Variants in IGF1R observed in about 807,000 individuals in gnomAD.
IGF1R encodes insulin-like growth factor 1 receptor.
In IGF1R, 44 loss-of-function variants were observed where a neutral mutation model predicts 144.6. The ratio of observed to expected loss-of-function variants is 0.30; its 90% CI spans 0.24 to 0.39. IGF1R has a LOEUF of 0.39. Ranked by LOEUF, IGF1R falls within the 10% of genes least tolerant of loss-of-function variation. The pLI is 1.00. For missense variants in IGF1R, 1,355 were observed against 1,833.7 expected (o/e 0.74, Z 4.77); for synonymous variants, 795 against 722.8 (o/e 1.10, Z -1.60).
chr15:98,818,985 G>C (rs1042029850), intron 2 of IGF1R, among the ~76,000 whole-genome samples: 1 of 152,280 alleles, frequency 6.6e-6, no homozygotes, highest in Admixed American at 6.5e-5. Flanking sequence ...AGAACAGGGG[G>C]TGGAGGCTTC....
chr15:98,665,106 C>A, intron 1 of IGF1R, among the ~76,000 whole-genome samples: 1 of 152,128 alleles, frequency 6.6e-6, no homozygotes, highest in South Asian at 2.1e-4. Context: ...TACAGGCGTC[C>A]GCTGCCACAC....
At chr15:98,946,048 C>T (rs192044647) in intron 19 of IGF1R, among the ~76,000 whole-genome samples, 311 of 151,838 alleles carry the variant, frequency 2.0e-3, no homozygotes, top group African/African-American at 7.0e-3. Flanking sequence ...ACAGCGTCGT[C>T]GTCGTCCTGG....
At position 98,946,833 on chromosome 15, in the gene IGF1R, G is replaced by A. The variant is rs377489081; in HGVS notation, c.3588-1741G>A. On this transcript the variant is annotated intron_variant, in intron 19 of 20. Coordinates refer to ENST00000650285, the MANE Select transcript of IGF1R (RefSeq NM_000875.5). ...CCGCTGACACAGCCAGGAAGGGCAC[G>A]TGGGGCAAGAGGAGAAGTGGGTCTG... Among the ~76,000 whole-genome samples the A allele has an allele frequency of 4.3e-4, 66 of 152,366 alleles. 1 individual carries two copies. The highest frequency in any genetic ancestry group is 1.5e-3 in the African/African-American group (63 of 41,588).
intron 2 of IGF1R, among the ~76,000 whole-genome samples, chr15:98,815,434 G>C (rs2056675528): frequency 6.6e-6 from 1 of 152,252 alleles, no homozygotes; most frequent in Non-Finnish European, 1.5e-5. Context: ...GGAGAGGCCT[G>C]GCGCATGAAA....
intron 18 of IGF1R, among the ~76,000 whole-genome samples, chr15:98,941,883 TAAG>T (rs1401644168): frequency 1.3e-5 from 2 of 152,120 alleles, no homozygotes; most frequent in South Asian, 2.1e-4. Context: ...AGAGTCCACT[TAAG>T]AAAAGGTTGT....
At position 98,962,421 on chromosome 15, in the gene IGF1R, C is replaced by T. The variant is rs1031686402; in HGVS notation, c.*4979C>T. On this transcript the variant is annotated 3_prime_UTR_variant, in exon 21 of 21. Transcript: ENST00000650285. The stretch of plus-strand genomic sequence containing the variant: ...AGATCCACTCCTTAAGAACCAGTGG[C>T]GAAAGACACTTTCTTTCTTCACTCT... 2.6e-5 allele frequency: 6 copies of T among 233,586 alleles called. No individual in the cohort carries two copies. The highest frequency in any genetic ancestry group is 1.2e-4 in the East Asian group (2 of 16,606). The allele number at this position is 233,586 out of a possible 1,614,324, so 14.5% of individuals were successfully genotyped here.
chr15:98,938,140 C>G (rs1338970242), intron 17 of IGF1R, among the ~76,000 whole-genome samples: 1 of 152,270 alleles, frequency 6.6e-6, no homozygotes, highest in Non-Finnish European at 1.5e-5. Context: ...TGGGCATTGA[C>G]TATGTGCCAC....
intron 2 of IGF1R, among the ~76,000 whole-genome samples, chr15:98,857,367 T>A (rs771803836): frequency 7.2e-5 from 11 of 152,170 alleles, no homozygotes; most frequent in Non-Finnish European, 1.3e-4. Context: ...TACAGGCATG[T>A]GCCACCACAC....
chr15:98,942,727 G>A (rs931721227), intron 18 of IGF1R, among the ~76,000 whole-genome samples, 196 bp from the exon 19 acceptor site: 1 of 152,188 alleles, frequency 6.6e-6, no homozygotes. Context: ...CTTGGTATTT[G>A]CTCATCATGT....
chr15:98,795,340 T>G (rs574965249), intron 2 of IGF1R, among the ~76,000 whole-genome samples: 1 of 152,360 alleles, frequency 6.6e-6, no homozygotes, highest in Admixed American at 6.5e-5. Flanking sequence ...CATGTATCAG[T>G]AAGTTAAAAA....
At chr15:98,939,485 G>A in intron 18 of IGF1R, 125 bp downstream of exon 18, 2 of 898,956 alleles carry the variant, frequency 2.2e-6, no homozygotes, top group South Asian at 2.7e-5. Flanking sequence ...ACTCCTTCTT[G>A]GGAATGATGT....
chr15:98,888,438 A>AGAGAGAGAGAGTGTGTGT (rs1555457179), intron 2 of IGF1R, among the ~76,000 whole-genome samples: 1 of 143,354 alleles, frequency 7.0e-6, no homozygotes. Context: ...AGAGAGAGAG[A>AGAGAGAGAGAGTGTGTGT]GTGTGTGTGT....
rs1040889843 is a variant in IGF1R, at chr15:98,937,597, G to A, written c.3298-1604G>A. On this transcript the variant is annotated intron_variant, in intron 17 of 20. Transcript: ENST00000650285. ...TTCATTATATTCAACCTGCTCCCCC[G>A]ACCAAGTTTCACTTACGTATCTCAC... Among the ~76,000 whole-genome samples the A allele has an allele frequency of 3.3e-5, 5 of 152,234 alleles. No homozygotes were observed. In the South Asian group the frequency reaches 8.3e-4, roughly 25 times the overall value.
At chr15:98,717,502 G>C (rs1472361972) in intron 2 of IGF1R, among the ~76,000 whole-genome samples, 1 of 152,152 alleles carries the variant, frequency 6.6e-6, no homozygotes, top group Non-Finnish European at 1.5e-5. Flanking sequence ...GGGCCATACT[G>C]TAGGTGTGGT....
chr15:98,869,389 T>A (rs1391404257), intron 2 of IGF1R, among the ~76,000 whole-genome samples: 1 of 150,156 alleles, frequency 6.7e-6, no homozygotes, highest in East Asian at 1.9e-4. Flanking sequence ...CCACACCACA[T>A]GAGAAGGAAG....
At chr15:98,847,127 C>G (rs548118455) in intron 2 of IGF1R, among the ~76,000 whole-genome samples, 31 of 152,276 alleles carry the variant, frequency 2.0e-4, no homozygotes, top group African/African-American at 7.2e-4. Flanking sequence ...CAGGCACGTA[C>G]CACCATGCCT....
intron 1 of IGF1R, 106 bp downstream of exon 1, chr15:98,649,781 C>T (rs2052303967): frequency 1.2e-6 from 1 of 844,702 alleles, no homozygotes; most frequent in Non-Finnish European, 1.9e-6. Flanking sequence ...GTCGGGCCCC[C>T]GGGCTCGGGA....
intron 2 of IGF1R, among the ~76,000 whole-genome samples, chr15:98,788,511 C>T (rs113071114): frequency 2.0e-5 from 3 of 152,236 alleles, no homozygotes; most frequent in African/African-American, 7.2e-5. Context: ...ACATAACAGA[C>T]ATCTCTTTCA....
chr15:98,865,718 G>C (rs940760549), intron 2 of IGF1R, among the ~76,000 whole-genome samples: 1 of 152,220 alleles, frequency 6.6e-6, no homozygotes, highest in African/African-American at 2.4e-5. Context: ...TTCCCTAGCA[G>C]AACGCGGTTT....
Sources: allele counts gnomAD v4.1 joint callset (sites outside exome capture counted in the v4.1 genomes callset), GRCh38; gene constraint gnomAD v4.1.1; transcripts MANE v1.5; gene names NCBI Gene and HGNC (gene_info 2026-07-23, HGNC 2026-07-21).